ALDH1A2: variants seen among roughly 807,000 people sequenced by gnomAD.
The protein encoded by ALDH1A2 is retinal dehydrogenase 2.
A neutral mutation model predicts 60.3 loss-of-function variants in ALDH1A2; 27 were observed. The observed-to-expected ratio is 0.45, with a 90% confidence interval of 0.33 to 0.62. ALDH1A2 has a LOEUF of 0.62. ALDH1A2 is among the 20% of genes least tolerant of loss of function. ALDH1A2 has a pLI of 0.02. For synonymous variants in ALDH1A2, 289 were observed against 232.4 expected (o/e 1.24, Z -2.21); for missense variants, 581 against 643.8 (o/e 0.90, Z 1.06).
chr15:57,995,732 A>C (rs1371230734), intron 4 of ALDH1A2, among the ~76,000 whole-genome samples: 1 of 152,086 alleles, frequency 6.6e-6, no homozygotes, highest in African/African-American at 2.4e-5. Context: ...AACTCCATCA[A>C]TAATCCAAAG....
intron 6 of ALDH1A2, 38 bp from the exon 7 acceptor site, chr15:57,992,856 A>G: frequency 2.5e-6 from 4 of 1,613,858 alleles, no homozygotes; most frequent in Non-Finnish European, 3.4e-6. Context: ...GGCTGATGAA[A>G]GCTGATGCAT....
intron 12 of ALDH1A2, among the ~76,000 whole-genome samples, chr15:57,958,310 G>GAGA (rs1284402208): frequency 3.6e-3 from 548 of 152,318 alleles, no homozygotes; most frequent in African/African-American, 0.013. Flanking sequence ...AAATGCTGAG[G>GAGA]TTCACAGAAT....
chr15:57,993,287 T>C (rs1054504455), intron 5 of ALDH1A2, among the ~76,000 whole-genome samples: 2 of 152,198 alleles, frequency 1.3e-5, no homozygotes, highest in African/African-American at 2.4e-5. Flanking sequence ...CCAATTACTA[T>C]ACTCCAACTA....
At position 58,034,940 on chromosome 15, in the gene ALDH1A2, G is replaced by A. The variant is rs928335505; in HGVS notation, c.118-20659C>T. ...TAATAGTTTGTAGTATTCCATTCTC[G>A]TAATCTCTTTATCTGGTTTTGATAT... On this transcript the variant is annotated intron_variant, in intron 1 of 12. Transcript: ENST00000249750. 4.6e-5 allele frequency among the ~76,000 whole-genome samples: 7 copies of A among 151,550 alleles called. 1 individual carries two copies. In the East Asian group the frequency reaches 7.8e-4, roughly 17 times the overall value.
At chr15:57,995,365 T>A (rs757007375) in intron 4 of ALDH1A2, among the ~76,000 whole-genome samples, 2 of 151,792 alleles carry the variant, frequency 1.3e-5, no homozygotes, top group Non-Finnish European at 1.5e-5. Flanking sequence ...GAGGAAAGGA[T>A]CTCTAAGGCA....
At chr15:58,018,424 T>G (rs1895840833) in intron 1 of ALDH1A2, among the ~76,000 whole-genome samples, 4 of 152,128 alleles carry the variant, frequency 2.6e-5, no homozygotes, top group Admixed American at 2.6e-4. Flanking sequence ...ATGATGGGAT[T>G]AGATGATTAT....
chr15:57,987,982 G>A (rs768888088), intron 7 of ALDH1A2, among the ~76,000 whole-genome samples: 1 of 151,542 alleles, frequency 6.6e-6, no homozygotes, highest in African/African-American at 2.4e-5. Flanking sequence ...TACAAGAAAC[G>A]TTAAAGATCG....
intron 7 of ALDH1A2, among the ~76,000 whole-genome samples, chr15:57,982,975 T>C (rs1477227875): frequency 1.3e-5 from 2 of 152,190 alleles, no homozygotes; most frequent in Non-Finnish European, 2.9e-5. Context: ...ATGTCCCATC[T>C]GGTATGATTT....
In ALDH1A2 at chr15:58,050,012, G is replaced by A. The variant is rs541728250; in HGVS notation, c.117+15522C>T. ...TGGGTGTGAGTGTGGGTCTTGAGGG[G>A]GAAGGGGGCTGAAGTGTTTATTTTC... On this transcript the variant is annotated intron_variant, in intron 1 of 12. Coordinates refer to ENST00000249750, the MANE Select transcript of ALDH1A2 (RefSeq NM_003888.4). Among the ~76,000 whole-genome samples, 5 of 152,092 alleles carry A rather than the reference G, an allele frequency of 3.3e-5. No homozygotes were observed. The East Asian group carries it at 9.7e-4, about 30-fold the overall frequency.
Position 58,009,152 on chromosome 15 carries a change from C to A in ALDH1A2, c.493+1497G>T, listed in dbSNP as rs139242682. 4.4e-3 allele frequency among the ~76,000 whole-genome samples: 671 copies of A among 152,192 alleles called. 24 individuals carry two copies. Among genetic ancestry groups the A allele is most frequent in the Admixed American group, 0.039 (589 of 15,258 alleles). The stretch of plus-strand genomic sequence containing the variant: ...CTTGGAAGTCTTGTCTCTAAATCAT[C>A]TCCATTCTCACTGTAAATTATTCTT... On this transcript the variant is annotated intron_variant, in intron 4 of 12. Coordinates refer to ENST00000249750, the MANE Select transcript of ALDH1A2 (RefSeq NM_003888.4).
At position 57,955,211 on chromosome 15, in the gene ALDH1A2, G is replaced by T. The variant is rs1022606599; in HGVS notation, c.1543C>A (p.Gln515Lys). 6.2e-7 allele frequency: 1 copy of T among 1,614,092 alleles called. No homozygotes were observed. Among genetic ancestry groups the T allele is most frequent in the Admixed American group, 1.7e-5 (1 of 60,016 alleles). Residue 515 changes from glutamine to lysine, a missense_variant, in exon 13 of 13, where the codon CAG becomes AAG. Gln to Lys is a moderately conservative substitution (Grantham distance 53). Coordinates refer to ENST00000249750, the MANE Select transcript of ALDH1A2 (RefSeq NM_003888.4). ...EVKTVTVKIPQKNS is the reference protein window; with the variant it reads ...EVKTVTVKIPKKNS Reference sequence around the variant, plus strand: ...TCTTGGCCTTCTTAGGAGTTCTTCTGGGGGATCTTTACTGTCACCGTCTTA... The same window carrying T: ...TCTTGGCCTTCTTAGGAGTTCTTCTTGGGGATCTTTACTGTCACCGTCTTA...
At chr15:57,972,019 C>T (rs1250914316) in intron 7 of ALDH1A2, among the ~76,000 whole-genome samples, 2 of 152,174 alleles carry the variant, frequency 1.3e-5, no homozygotes, top group East Asian at 1.9e-4. Context: ...CGTGAGCCAT[C>T]GTGTCCAGCT....
chr15:57,986,829 C>T (rs565116609), intron 7 of ALDH1A2, among the ~76,000 whole-genome samples: 9 of 152,108 alleles, frequency 5.9e-5, no homozygotes, highest in South Asian at 2.1e-4. Flanking sequence ...TGCAACACCA[C>T]GCCTGGCTAG....
chr15:58,059,187 C>G (rs1162101223), intron 1 of ALDH1A2, among the ~76,000 whole-genome samples: 1 of 152,114 alleles, frequency 6.6e-6, no homozygotes, highest in African/African-American at 2.4e-5. Context: ...TGAAATAGAT[C>G]TCAAAGATAC....
chr15:58,052,567 G>T (rs1228567821), intron 1 of ALDH1A2, among the ~76,000 whole-genome samples: 1 of 152,060 alleles, frequency 6.6e-6, no homozygotes, highest in Non-Finnish European at 1.5e-5. Flanking sequence ...CTGTTACCAG[G>T]AAATTTAAGT....
chr15:57,960,393 A>G (rs1343113140), intron 12 of ALDH1A2, among the ~76,000 whole-genome samples: 1 of 152,134 alleles, frequency 6.6e-6, no homozygotes, highest in African/African-American at 2.4e-5. Context: ...AAAAGGAGGG[A>G]AAGTGGGTTC....
chr15:58,044,430 G>C lies in ALDH1A2; in HGVS notation c.117+21104C>G, dbSNP rs76280255. Among the ~76,000 whole-genome samples, 551 of 152,028 alleles carry C rather than the reference G, an allele frequency of 3.6e-3. 4 individuals are homozygous for C. The highest frequency in any genetic ancestry group is 0.013 in the African/African-American group (520 of 41,490). On this transcript the variant is annotated intron_variant, in intron 1 of 12. Transcript: ENST00000249750. ...GTGTGGTTTTCTATTCCTGTATCAT[G>C]ATGCTTCTTAGACACTGTTCAGCAC...
At chr15:58,006,673 A>G (rs1895468405) in intron 4 of ALDH1A2, among the ~76,000 whole-genome samples, 1 of 149,532 alleles carries the variant, frequency 6.7e-6, no homozygotes, top group African/African-American at 2.4e-5. Context: ...CATCCACGCC[A>G]ACATCTATTT....
intron 1 of ALDH1A2, among the ~76,000 whole-genome samples, chr15:58,048,910 G>A (rs1896703415): frequency 6.6e-6 from 1 of 151,896 alleles, no homozygotes; most frequent in African/African-American, 2.4e-5. Context: ...TCAAGATAAT[G>A]AATATATCCA....
Sources: gnomAD v4.1 joint callset for allele counts (sites outside exome capture counted in the v4.1 genomes callset) on GRCh38, gnomAD v4.1.1 for gene constraint, MANE v1.5 for transcripts, NCBI Gene and HGNC (gene_info 2026-07-23, HGNC 2026-07-21) for gene names.